Variants in FHOD3 observed in about 807,000 individuals in gnomAD.
FHOD3 encodes the protein FH1/FH2 domain-containing protein 3.
FHOD3 carries 90 observed loss-of-function variants against 173.0 expected under a neutral mutation model. That is an observed-to-expected ratio of 0.52 (90% confidence interval 0.44 to 0.62). The LOEUF is 0.62. Among genes scored for constraint, FHOD3 ranks in the 20% least tolerant of loss-of-function variants. FHOD3 has a pLI of 0.00. For missense variants in FHOD3, 1,945 were observed against 2,034.7 expected (o/e 0.96, Z 0.85); for synonymous variants, 828 against 823.0 (o/e 1.01, Z -0.10).
chr18:36,633,438 T>G (rs2148886635), intron 10 of FHOD3, among the ~76,000 whole-genome samples: 1 of 152,346 alleles, frequency 6.6e-6, no homozygotes, highest in African/African-American at 2.4e-5. Context: ...CATATCTGCC[T>G]AACTACCTAT....
At chr18:36,347,704 G>A (rs2045937659) in intron 1 of FHOD3, among the ~76,000 whole-genome samples, 1 of 152,056 alleles carries the variant, frequency 6.6e-6, no homozygotes, top group Admixed American at 6.6e-5. Context: ...GGCCAAATGG[G>A]CCACTAAGAA....
At chr18:36,706,911 T>C (rs1197691411) in intron 17 of FHOD3, among the ~76,000 whole-genome samples, 1 of 152,222 alleles carries the variant, frequency 6.6e-6, no homozygotes, top group Middle Eastern at 3.2e-3. Flanking sequence ...AACCAAATGA[T>C]GACGCTGCCG....
At chr18:36,544,226 G>A (rs2057331880) in intron 5 of FHOD3, among the ~76,000 whole-genome samples, 1 of 152,200 alleles carries the variant, frequency 6.6e-6, no homozygotes, top group Admixed American at 6.5e-5. Flanking sequence ...GCTCTCTGCA[G>A]AGTTAGTGCC....
At chr18:36,593,442 G>A (rs997825428) in intron 6 of FHOD3, among the ~76,000 whole-genome samples, 4 of 152,178 alleles carry the variant, frequency 2.6e-5, no homozygotes, top group African/African-American at 9.7e-5. Flanking sequence ...AAGCAAGGGG[G>A]TAAAGGGGTT....
At chr18:36,357,191 A>G (rs1568166103) in intron 2 of FHOD3, among the ~76,000 whole-genome samples, 3 of 152,188 alleles carry the variant, frequency 2.0e-5, no homozygotes, top group African/African-American at 7.2e-5. Flanking sequence ...TCATATAGCT[A>G]TTTGACTTCA....
At chr18:36,748,381 CA>C (rs1222302772) in intron 24 of FHOD3, among the ~76,000 whole-genome samples, 3,516 of 105,836 alleles carry the variant, frequency 0.033, 119 homozygotes, top group African/African-American at 0.13. Context: ...CACACACACA[CA>C]ACACACACAC....
At chr18:36,566,714 G>T (rs944118509) in intron 5 of FHOD3, among the ~76,000 whole-genome samples, 2 of 152,292 alleles carry the variant, frequency 1.3e-5, no homozygotes, top group East Asian at 1.9e-4. Flanking sequence ...AGAGATCATG[G>T]TATCTGAACC....
At chr18:36,535,412 A>C (rs2056956227) in intron 5 of FHOD3, among the ~76,000 whole-genome samples, 1 of 152,098 alleles carries the variant, frequency 6.6e-6, no homozygotes, top group Non-Finnish European at 1.5e-5. Flanking sequence ...GTCACTTCCT[A>C]GTTTCTTATG....
chr18:36,452,260 A>T (rs2051901542), intron 3 of FHOD3, among the ~76,000 whole-genome samples: 1 of 152,120 alleles, frequency 6.6e-6, no homozygotes, highest in Non-Finnish European at 1.5e-5. Context: ...GTAGAATCTA[A>T]CAGTAGTTTT....
intron 10 of FHOD3, among the ~76,000 whole-genome samples, chr18:36,632,681 T>C (rs1324581657): frequency 6.6e-6 from 1 of 152,188 alleles, no homozygotes; most frequent in Non-Finnish European, 1.5e-5. Context: ...GCCTCTGCGT[T>C]GTCCTGGGAA....
At chr18:36,577,866 C>T (rs377267283) in intron 6 of FHOD3, among the ~76,000 whole-genome samples, 2 of 152,184 alleles carry the variant, frequency 1.3e-5, no homozygotes, top group African/African-American at 4.8e-5. Context: ...ATAGTCTTCT[C>T]TGGTTTCTGC....
intron 5 of FHOD3, among the ~76,000 whole-genome samples, chr18:36,574,285 TA>T (rs76807080): frequency 0.04 from 6,070 of 152,268 alleles, 313 homozygotes; most frequent in East Asian, 0.15. Context: ...CATTTCTTTT[TA>T]AAATACCTTT....
intron 27 of FHOD3, among the ~76,000 whole-genome samples, chr18:36,767,657 TA>T (rs2150355444): frequency 6.6e-6 from 1 of 152,350 alleles, no homozygotes; most frequent in East Asian, 1.9e-4. Context: ...CATTGTTCTA[TA>T]GCCACAGGTT....
intron 10 of FHOD3, among the ~76,000 whole-genome samples, chr18:36,643,516 T>G (rs1036890872): frequency 6.6e-5 from 10 of 152,206 alleles, no homozygotes; most frequent in African/African-American, 2.4e-4. Context: ...TATTAATGTT[T>G]AATTTTACAA....
At chr18:36,574,432 A>G (rs2147953524) in intron 5 of FHOD3, among the ~76,000 whole-genome samples, 1 of 152,242 alleles carries the variant, frequency 6.6e-6, no homozygotes, top group East Asian at 1.9e-4. Flanking sequence ...TTCTATTGGC[A>G]TTTAATATTG....
chr18:36,571,269 A>G (rs2058442442), intron 5 of FHOD3, among the ~76,000 whole-genome samples: 1 of 152,210 alleles, frequency 6.6e-6, no homozygotes, highest in Non-Finnish European at 1.5e-5. Context: ...ACCGTTTGTA[A>G]TAGCTCCAAA....
intron 3 of FHOD3, among the ~76,000 whole-genome samples, chr18:36,412,010 G>A (rs1451138648): frequency 1.3e-5 from 2 of 152,238 alleles, no homozygotes; most frequent in Non-Finnish European, 2.9e-5. Flanking sequence ...CAAACCACTG[G>A]AGTGGTGAGT....
At chr18:36,603,226 A>G (rs901998577) in intron 8 of FHOD3, among the ~76,000 whole-genome samples, 16 of 152,174 alleles carry the variant, frequency 1.1e-4, no homozygotes, top group Admixed American at 2.0e-4. Context: ...GAACTAATAC[A>G]TTGTGAAAAT....
intron 19 of FHOD3, among the ~76,000 whole-genome samples, chr18:36,728,991 C>T (rs986659632): frequency 2.0e-5 from 3 of 152,300 alleles, no homozygotes; most frequent in Non-Finnish European, 4.4e-5. Context: ...TAGACAAAGC[C>T]ACTTCTTATC....
Sources: allele counts gnomAD v4.1 joint callset (sites outside exome capture counted in the v4.1 genomes callset), GRCh38; gene constraint gnomAD v4.1.1; transcripts MANE v1.5; gene names NCBI Gene and HGNC (gene_info 2026-07-23, HGNC 2026-07-21).